The following RTCB variants were observed in gnomAD, a reference collection of about 807,000 sequenced individuals.
RTCB encodes RNA 2',3'-cyclic phosphate and 5'-OH ligase.
In RTCB, 32 loss-of-function variants were observed where a neutral mutation model predicts 58.2. The observed-to-expected ratio is 0.55, with a 90% CI of 0.41 to 0.74. RTCB has a LOEUF of 0.74. Among genes scored for constraint, RTCB ranks in the 30% least tolerant of loss-of-function variants. RTCB has a pLI of 0.00. For missense variants in RTCB, 523 were observed against 639.0 expected (o/e 0.82, Z 1.96); for synonymous variants, 247 against 218.6 (o/e 1.13, Z -1.15).
chr22:32,390,512 G>A (rs1014658457), intron 11 of RTCB, among the ~76,000 whole-genome samples: 7 of 151,354 alleles, frequency 4.6e-5, no homozygotes, highest in African/African-American at 1.7e-4. Flanking sequence ...GCAGTAGCGC[G>A]ATCTCGGCTC....
rs377377128 is a variant in RTCB, at chr22:32,398,232, T to A, written c.655-132A>T. ...AAATAGTGTTTCAGTAACAAAAAAA[T>A]TCCTAAGCTATAGAAGTGTTTCATT... On this transcript the variant is annotated intron_variant, in intron 6 of 11. Transcript: ENST00000216038. 67 of 981,884 alleles carry A rather than the reference T, an allele frequency of 6.8e-5. 1 individual carries two copies. In the East Asian group the frequency reaches 9.9e-4, roughly 15 times the overall value. The allele number at this position is 981,884 out of a possible 1,614,324, so 60.8% of individuals were successfully genotyped here. A position where few individuals can be genotyped will look rare whatever the true frequency, so the allele number is the denominator to read the frequency against.
In RTCB at chr22:32,399,482, T is replaced by C. The variant is rs1933299581; in HGVS notation, c.654+121A>G. 4.2e-6 allele frequency: 4 copies of C among 951,040 alleles called. No individual in the cohort carries two copies. The South Asian group carries it at 7.3e-5, about 17-fold the overall frequency. The allele number at this position is 951,040 out of a possible 1,614,324, so 58.9% of individuals were successfully genotyped here. The stretch of plus-strand genomic sequence containing the variant: ...TGAAGCATAAACAAATTTGTATTTT[T>C]TGATATACCATAAAAAAACCTGGGA... On this transcript the variant is annotated intron_variant, in intron 6 of 11. Coordinates refer to ENST00000216038, the MANE Select transcript of RTCB (RefSeq NM_014306.5).
chr22:32,402,981 G>C (rs1384186940), intron 4 of RTCB, among the ~76,000 whole-genome samples: 2 of 152,148 alleles, frequency 1.3e-5, no homozygotes, highest in Non-Finnish European at 2.9e-5. Flanking sequence ...CTGGGCTCAA[G>C]TGATCCTCCT....
chr22:32,393,384 A>T (rs1262161716), intron 10 of RTCB, among the ~76,000 whole-genome samples: 1 of 152,144 alleles, frequency 6.6e-6, no homozygotes, highest in African/African-American at 2.4e-5. Context: ...TTATGGGAAG[A>T]GTTTCCTGAC....
At chr22:32,393,799 G>A in intron 10 of RTCB, 93 bp downstream of exon 10, 1 of 875,808 alleles carries the variant, frequency 1.1e-6, no homozygotes, top group Non-Finnish European at 1.9e-6. Flanking sequence ...TCTCAACTCT[G>A]TTAATGTTCA....
chr22:32,393,541 T>C (rs1214674965), intron 10 of RTCB, among the ~76,000 whole-genome samples: 1 of 152,178 alleles, frequency 6.6e-6, no homozygotes, highest in East Asian at 1.9e-4. Flanking sequence ...AAGGAGCAGG[T>C]CCAGTCAGTC....
intron 5 of RTCB, 51 bp downstream of exon 5, chr22:32,401,696 C>A: frequency 6.3e-7 from 1 of 1,583,898 alleles, no homozygotes; most frequent in South Asian, 1.1e-5. Context: ...AGCTGAAGGT[C>A]ATGTGGTTAT....
At chr22:32,397,719 T>A (rs889771477) in intron 7 of RTCB, among the ~76,000 whole-genome samples, 6 of 152,266 alleles carry the variant, frequency 3.9e-5, no homozygotes, top group African/African-American at 1.4e-4. Flanking sequence ...AAACATTAAG[T>A]GCTTTACATA....
chr22:32,389,752 T>C (rs996251323), intron 11 of RTCB, among the ~76,000 whole-genome samples: 1 of 152,218 alleles, frequency 6.6e-6, no homozygotes, highest in Non-Finnish European at 1.5e-5. Flanking sequence ...TCTGCATCAT[T>C]AATTTCTCTT....
intron 3 of RTCB, 127 bp from the exon 4 acceptor site, chr22:32,406,888 C>T: frequency 3.3e-6 from 2 of 605,012 alleles, no homozygotes; most frequent in Non-Finnish European, 2.9e-6. Context: ...ACTGTGTTTT[C>T]ACAAAATCTT....
chr22:32,393,196 A>G (rs531165078), intron 10 of RTCB, among the ~76,000 whole-genome samples: 16 of 152,266 alleles, frequency 1.1e-4, no homozygotes, highest in African/African-American at 3.9e-4. Context: ...CTGGCCTCCC[A>G]AAGTGCTGTA....
At position 32,394,056 on chromosome 22, in the gene RTCB, T is replaced by C. The variant is rs1162320258; in HGVS notation, c.1180-54A>G. 20 of 1,258,530 alleles carry C rather than the reference T, an allele frequency of 1.6e-5. No individual in the cohort carries two copies. In the South Asian group the frequency reaches 1.7e-4, roughly 11 times the overall value. The allele number at this position is 1,258,530 out of a possible 1,614,324, so 78.0% of individuals were successfully genotyped here. A position where few individuals can be genotyped will look rare whatever the true frequency, so the allele number is the denominator to read the frequency against. On this transcript the variant is annotated intron_variant, in intron 9 of 11. Coordinates refer to ENST00000216038, the MANE Select transcript of RTCB (RefSeq NM_014306.5). ...AAAATTCAGAAAAACATAGGCTTTT[T>C]ATGCATAAAATTTAAATTTTCTCTT...
In RTCB at chr22:32,395,189, G is replaced by A. The variant is rs972534362; in HGVS notation, c.1016C>T (p.Thr339Ile). 7 of 1,614,182 alleles carry A rather than the reference G, an allele frequency of 4.3e-6. No homozygotes were observed. Among genetic ancestry groups the A allele is most frequent in the Non-Finnish European group, 5.1e-6 (6 of 1,180,028 alleles). Residue 339 changes from threonine to isoleucine, a missense_variant, in exon 9 of 12, where the codon ACC (threonine) becomes ATC (isoleucine). Physicochemically the swap from Thr to Ile is moderately conservative, Grantham distance 89. Transcript: ENST00000216038. ...RQAFAKVFNTTPDDLDLHVIY... is the reference protein window; with the variant it reads ...RQAFAKVFNTIPDDLDLHVIY... ...CACATGTAGGTCCAAGTCATCAGGG[G>A]TTGTGTTGAAGACCTTGGCGAAAGC...
At chr22:32,406,922 A>C (rs1933435834) in intron 3 of RTCB, among the ~76,000 whole-genome samples, 161 bp from the exon 4 acceptor site, 1 of 152,212 alleles carries the variant, frequency 6.6e-6, no homozygotes. Flanking sequence ...AATAGTAAGA[A>C]CTCCTAATCA....
chr22:32,397,590 G>A (rs1233908850), intron 7 of RTCB, among the ~76,000 whole-genome samples: 1 of 152,120 alleles, frequency 6.6e-6, no homozygotes, highest in Non-Finnish European at 1.5e-5. Context: ...CCAAATGAAA[G>A]CCTATTTCAT....
At position 32,387,753 on chromosome 22, in the gene RTCB, AAGG is replaced by A. The variant is rs1436218354; in HGVS notation, c.*236_*238del. The A allele has an allele frequency of 6.7e-6, 3 of 446,306 alleles. No individual in the cohort carries two copies. The highest frequency in any genetic ancestry group is 4.1e-6 in the Non-Finnish European group (1 of 245,108). The allele number at this position is 446,306 out of a possible 1,614,324, so 27.6% of individuals were successfully genotyped here. On this transcript the variant is annotated 3_prime_UTR_variant, in exon 12 of 12. Transcript: ENST00000216038. ...TTTCCTAAAACTCTGTGGAACAACC[AAGG>A]AGAAGGCATATTCCTCCCTTTCCAA...
chr22:32,407,382 A>G (rs1448917783), intron 3 of RTCB: 2 of 153,046 alleles, frequency 1.3e-5, no homozygotes, highest in Non-Finnish European at 2.9e-5. Flanking sequence ...ATGTCTGCCG[A>G]ATAGATCCAT....
chr22:32,391,162 A>C (rs2145888663), intron 11 of RTCB, among the ~76,000 whole-genome samples: 1 of 152,306 alleles, frequency 6.6e-6, no homozygotes, highest in African/African-American at 2.4e-5. Context: ...GCATGAAGAC[A>C]CTCATTACAA....
chr22:32,408,354 G>A lies in RTCB; in HGVS notation c.173-112C>T. 3.7e-6 allele frequency: 3 copies of A among 820,380 alleles called. No homozygotes were observed. The South Asian group carries it at 4.8e-5, about 13-fold the overall frequency. The allele number at this position is 820,380 out of a possible 1,614,324, so 50.8% of individuals were successfully genotyped here. On this transcript the variant is annotated intron_variant, in intron 2 of 11. Transcript: ENST00000216038. ...AAGAGGTAGTCATTAGGGCTACTAA[G>A]ACAACAAAGCCTAGAAGGATGTTTG...
Sources: allele counts gnomAD v4.1 joint callset (sites outside exome capture counted in the v4.1 genomes callset), GRCh38; gene constraint gnomAD v4.1.1; transcripts MANE v1.5; gene names NCBI Gene and HGNC (gene_info 2026-07-23, HGNC 2026-07-21).